The following MSH3 variants were observed in gnomAD, a reference collection of about 807,000 sequenced individuals.
MSH3 encodes mutS homolog 3.
In MSH3, 106 loss-of-function variants were observed where a neutral mutation model predicts 123.3. That is an observed-to-expected ratio of 0.86 (90% CI 0.73 to 1.01). The LOEUF is 1.01. MSH3 is among the 50% of genes least tolerant of loss of function. The pLI, the probability that MSH3 is intolerant of heterozygous loss-of-function variation, is 0.00. For missense variants in MSH3, 1,459 were observed against 1,347.6 expected (o/e 1.08, Z -1.29); for synonymous variants, 515 against 481.4 (o/e 1.07, Z -0.91).
intron 12 of MSH3, among the ~76,000 whole-genome samples, chr5:80,747,525 C>T (rs1283046127): frequency 6.6e-6 from 1 of 152,136 alleles, no homozygotes; most frequent in East Asian, 1.9e-4. Context: ...GGTTTTTAAA[C>T]TTTTATACTC....
rs146112883 is a variant in MSH3, at chr5:80,834,807, G to A, written c.2814-19323G>A. Among the ~76,000 whole-genome samples, 899 of 152,158 alleles carry A rather than the reference G, an allele frequency of 5.9e-3. 7 individuals carry two copies. Among genetic ancestry groups the A allele is most frequent in the South Asian group, 0.048 (230 of 4,818 alleles). ...AATAAAAGTATGTCCAAGATCTCCT[G>A]AACACTGGCCTGCCCTCCTTAAGAA... On this transcript the variant is annotated intron_variant, in intron 20 of 23. Coordinates refer to ENST00000265081, the MANE Select transcript of MSH3 (RefSeq NM_002439.5).
intron 15 of MSH3, among the ~76,000 whole-genome samples, chr5:80,771,263 C>T (rs537136357): frequency 1.3e-5 from 2 of 152,250 alleles, no homozygotes; most frequent in South Asian, 2.1e-4. Flanking sequence ...GCAGGAGGAT[C>T]GCTTGAGCTC....
intron 1 of MSH3, 22 bp from the exon 2 acceptor site, chr5:80,656,389 T>G (rs764428766): frequency 6.2e-7 from 1 of 1,613,832 alleles, no homozygotes; most frequent in Admixed American, 1.7e-5. Context: ...TAACACATCA[T>G]TTTCTAACCT....
rs1295550775 is a variant in MSH3 at position 80,656,443 on chromosome 5, A to G, written c.270A>G (p.Pro90=). 1.2e-6 allele frequency: 2 copies of G among 1,614,054 alleles called. No homozygotes were observed. The highest frequency in any genetic ancestry group is 2.2e-5 in the East Asian group (1 of 44,890). ...ATEIDRRKKR[P]LENDGPVKKK... ...AAATTGACAGAAGAAAGAAGAGACCATTGGAAAATGATGGGCCTGTTAAAA... is the reference window on the plus strand; with the variant it reads ...AAATTGACAGAAGAAAGAAGAGACCGTTGGAAAATGATGGGCCTGTTAAAA... Residue 90 remains proline, a synonymous_variant, in exon 2 of 24, where the codon CCA becomes CCG. Transcript: ENST00000265081.
At position 80,864,892 on chromosome 5, in the gene MSH3, A is replaced by G. The variant is rs777247211; in HGVS notation, c.3080A>G (p.Asn1027Ser). ...AAAAATTACTCACACCAGGTGGGGAATTACCACATGGGATTCTTGGTCAGT... is the reference window on the plus strand; with the variant it reads ...AAAAATTACTCACACCAGGTGGGGAGTTACCACATGGGATTCTTGGTCAGT... ...LEKNYSHQVG[N>S]YHMGFLVSED... The change falls in exon 22 of 24, where the codon AAT (asparagine) becomes AGT (serine). Residue 1027 changes from asparagine (N) to serine (S), a missense_variant. Coordinates refer to ENST00000265081, the MANE Select transcript of MSH3 (RefSeq NM_002439.5). 1.2e-6 allele frequency: 2 copies of G among 1,613,626 alleles called. No homozygotes were observed. Among genetic ancestry groups the G allele is most frequent in the South Asian group, 2.2e-5 (2 of 91,074 alleles).
At chr5:80,778,895 A>G in intron 17 of MSH3, 59 bp downstream of exon 17, 2 of 981,268 alleles carry the variant, frequency 2.0e-6, no homozygotes, top group Non-Finnish European at 3.3e-6. Flanking sequence ...AGACTGGAAA[A>G]ATCTTTCCAT....
At position 80,872,603 on chromosome 5, in the gene MSH3, C is replaced by T. The variant is rs373853336; in HGVS notation, c.3131-513C>T. ...GGAGGATTGTTTAAAGCCAGGAGTT[C>T]GAGACCAGCCTGAGCAACATAGCAA... On this transcript the variant is annotated intron_variant, in intron 22 of 23. Coordinates refer to ENST00000265081, the MANE Select transcript of MSH3 (RefSeq NM_002439.5). Among the ~76,000 whole-genome samples the T allele has an allele frequency of 7.9e-5, 12 of 152,232 alleles. 1 individual carries two copies. The highest frequency in any genetic ancestry group is 1.9e-4 in the African/African-American group (8 of 41,558).
At chr5:80,757,277 T>C (rs1743942968) in intron 12 of MSH3, among the ~76,000 whole-genome samples, 1 of 152,156 alleles carries the variant, frequency 6.6e-6, no homozygotes, top group South Asian at 2.1e-4. Context: ...GTACAATAAA[T>C]TGTTGGCTGT....
At chr5:80,760,851 G>A (rs1744020315) in intron 12 of MSH3, among the ~76,000 whole-genome samples, 1 of 152,098 alleles carries the variant, frequency 6.6e-6, no homozygotes, top group African/African-American at 2.4e-5. Flanking sequence ...TATGGGCCAG[G>A]GCTAGAGGTG....
At chr5:80,775,871 C>G (rs916629248) in intron 16 of MSH3, 113 bp downstream of exon 16, 1 of 663,586 alleles carries the variant, frequency 1.5e-6, no homozygotes, top group African/African-American at 1.9e-5. Context: ...ATTCTTTTTA[C>G]TTATTTTTTC....
At chr5:80,822,910 T>C (rs1216078501) in intron 20 of MSH3, among the ~76,000 whole-genome samples, 3 of 152,178 alleles carry the variant, frequency 2.0e-5, no homozygotes. Context: ...TGCCAATCAC[T>C]GTGTGAAAGA....
chr5:80,824,042 G>A (rs2112069516), intron 20 of MSH3, among the ~76,000 whole-genome samples: 1 of 152,304 alleles, frequency 6.6e-6, no homozygotes, highest in South Asian at 2.1e-4. Flanking sequence ...GCATCCCAAG[G>A]CAGAAGAATC....
At chr5:80,727,724 C>T (rs1743327178) in intron 9 of MSH3, among the ~76,000 whole-genome samples, 1 of 152,010 alleles carries the variant, frequency 6.6e-6, no homozygotes, top group African/African-American at 2.4e-5. Context: ...ACAAAAATTC[C>T]TGCTCTTTTG....
chr5:80,808,206 A>G (rs559883474), intron 19 of MSH3, among the ~76,000 whole-genome samples: 3 of 152,356 alleles, frequency 2.0e-5, no homozygotes, highest in East Asian at 3.9e-4. Context: ...CCATTTTGCT[A>G]GAGATCCTCT....
intron 21 of MSH3, 100 bp downstream of exon 21, chr5:80,854,416 A>T (rs1244682929): frequency 5.7e-6 from 6 of 1,052,294 alleles, no homozygotes; most frequent in Non-Finnish European, 8.6e-6. Flanking sequence ...GTACAATGTG[A>T]TGTTTTGAAA....
Position 80,768,823 on chromosome 5 carries a change from T to C in MSH3, c.2085-12T>C. On this transcript the variant is annotated splice_polypyrimidine_tract_variant and intron_variant, in intron 14 of 23. Transcript: ENST00000265081. ...AACTTCGAATATGTATTTGCATGTT[T>C]TGATTTTTTAGAGTTGGGGATAAAA... is the stretch of plus-strand genomic sequence containing the variant. The C allele has an allele frequency of 6.3e-7, 1 of 1,594,538 alleles. No individual in the cohort carries two copies. Among genetic ancestry groups the C allele is most frequent in the Non-Finnish European group, 8.6e-7 (1 of 1,163,936 alleles).
chr5:80,685,107 T>TA (rs1710874415), intron 8 of MSH3, among the ~76,000 whole-genome samples: 1 of 152,024 alleles, frequency 6.6e-6, no homozygotes, highest in Non-Finnish European at 1.5e-5. Flanking sequence ...CATCAAGAGA[T>TA]ATTGGCCTCT....
intron 10 of MSH3, among the ~76,000 whole-genome samples, chr5:80,729,734 A>G (rs1052626880): frequency 6.6e-6 from 1 of 152,156 alleles, no homozygotes; most frequent in Middle Eastern, 3.2e-3. Context: ...AAAGCTCACA[A>G]TTGACATTCT....
intron 8 of MSH3, among the ~76,000 whole-genome samples, chr5:80,718,901 G>A (rs183277356): frequency 6.6e-6 from 1 of 152,154 alleles, no homozygotes; most frequent in Non-Finnish European, 1.5e-5. Flanking sequence ...GTTGACCTCT[G>A]TGCCATTTTG....
Sources: allele counts gnomAD v4.1 joint callset (sites outside exome capture counted in the v4.1 genomes callset), GRCh38; gene constraint gnomAD v4.1.1; transcripts MANE v1.5; gene names NCBI Gene and HGNC (gene_info 2026-07-23, HGNC 2026-07-21).